The following TDG variants were observed in gnomAD, a reference collection of about 807,000 sequenced individuals.
TDG encodes the protein thymine DNA glycosylase, also known as G/T mismatch-specific thymine DNA glycosylase.
A neutral mutation model predicts 46.1 loss-of-function variants in TDG; 23 were observed. The ratio of observed to expected loss-of-function variants is 0.50; its 90% CI spans 0.36 to 0.71. The LOEUF (loss-of-function observed/expected upper bound fraction) is 0.71, where lower values mean the gene tolerates loss of function less well. Among genes scored for constraint, TDG ranks in the 30% least tolerant of loss-of-function variants. The pLI is 0.00. For synonymous variants in TDG, 115 were observed against 161.3 expected, an observed-to-expected ratio of 0.71 and a Z score of 2.18; for missense variants, 304 against 486.7, an observed-to-expected ratio of 0.62 and a Z score of 3.53.
chr12:103,971,716 G>A (rs1261365791), intron 1 of TDG, among the ~76,000 whole-genome samples: 3 of 152,200 alleles, frequency 2.0e-5, no homozygotes, highest in East Asian at 3.9e-4. Flanking sequence ...ATAAATGATG[G>A]GGGAAGAAAA....
chr12:103,979,751 G>GT, intron 2 of TDG, 80 bp from the exon 3 acceptor site: 1 of 1,504,570 alleles, frequency 6.6e-7, no homozygotes, highest in Non-Finnish European at 8.9e-7. Context: ...AAAGGTGCTA[G>GT]TTGGGTAACT....
Position 103,983,319 on chromosome 12 carries a change from A to T in TDG, c.722A>T (p.Glu241Val). The T allele has an allele frequency of 6.3e-7, 1 of 1,594,884 alleles. No homozygotes were observed. The highest frequency in any genetic ancestry group is 8.5e-7 in the Non-Finnish European group (1 of 1,173,922). ...GKCIYEIFSK[E>V]VFGVKVKNLE... The stretch of plus-strand genomic sequence containing the variant: ...GGTATTTATGAAATTTTTAGTAAAG[A>T]AGTTTTTGGAGTAAAGGTTAAGAAC... Residue 241 changes from glutamate to valine, a missense_variant, in exon 7 of 10, where the codon GAA becomes GTA. By Grantham distance (121) the Glu-to-Val change is moderately radical. Coordinates refer to ENST00000392872, the MANE Select transcript of TDG (RefSeq NM_003211.6).
chr12:103,974,293 T>A (rs944308555), intron 1 of TDG, among the ~76,000 whole-genome samples: 1 of 152,154 alleles, frequency 6.6e-6, no homozygotes, highest in Non-Finnish European at 1.5e-5. Context: ...GTTGTTGTTA[T>A]TGAGGCAGAG....
chr12:103,972,779 A>C (rs1374529035), intron 1 of TDG, among the ~76,000 whole-genome samples: 1 of 151,870 alleles, frequency 6.6e-6, no homozygotes, highest in Non-Finnish European at 1.5e-5. Flanking sequence ...TTTCCTCTTT[A>C]TTTTTCACTT....
chr12:103,978,105 A>G (rs1467819241), intron 2 of TDG, among the ~76,000 whole-genome samples: 1 of 152,128 alleles, frequency 6.6e-6, no homozygotes, highest in African/African-American at 2.4e-5. Context: ...CTTGGAGTCA[A>G]GGAGTGGATT....
In TDG at chr12:103,976,974, C is replaced by G; in HGVS notation, c.80C>G (p.Ala27Gly). ...ACGTTTCCATTTCAACAACTGATGG[C>G]TGAAGCTCCTAATATGGCAGTTGTG... ...FYTFPFQQLM[A>G]EAPNMAVVNE... Residue 27 changes from alanine (A) to glycine (G), a missense_variant, in exon 2 of 10, where the codon GCT becomes GGT. By Grantham distance (60) the Ala-to-Gly change is moderately conservative (BLOSUM62 0). Transcript: ENST00000392872. The G allele has an allele frequency of 6.2e-7, 1 of 1,614,028 alleles. No homozygotes were observed.
In TDG at chr12:103,988,485, T is replaced by A. The variant is rs1193862257; in HGVS notation, c.*1395T>A. The A allele has an allele frequency of 1.3e-5, 2 of 152,774 alleles. No homozygotes were observed. Among genetic ancestry groups the A allele is most frequent in the African/African-American group, 2.4e-5 (1 of 41,488 alleles). The allele number at this position is 152,774 out of a possible 1,614,324, so 9.5% of individuals were successfully genotyped here. On this transcript the variant is annotated 3_prime_UTR_variant, in exon 10 of 10. Transcript: ENST00000392872. The stretch of plus-strand genomic sequence containing the variant: ...TTATTTAAATGATGTACTGTACTGC[T>A]GTTTACATGGACGTTTTGTGCGGGT...
intron 4 of TDG, among the ~76,000 whole-genome samples, chr12:103,982,475 T>C (rs1000386461): frequency 2.6e-5 from 4 of 152,150 alleles, no homozygotes; most frequent in African/African-American, 9.7e-5. Flanking sequence ...AAGATAATTA[T>C]GATGATTAAA....
chr12:103,972,277 CCTGA>C (rs751083497), intron 1 of TDG, among the ~76,000 whole-genome samples: 5 of 152,248 alleles, frequency 3.3e-5, no homozygotes, highest in Non-Finnish European at 5.9e-5. Flanking sequence ...TGCCACGACG[CCTGA>C]CTAAGTTTTG....
chr12:103,976,836 T>G (rs1871567933), intron 1 of TDG, 82 bp from the exon 2 acceptor site: 1 of 1,541,482 alleles, frequency 6.5e-7, no homozygotes, highest in Non-Finnish European at 8.9e-7. Flanking sequence ...AATACTGTAC[T>G]GAAGATTTTT....
At chr12:103,968,777 G>T (rs1198381014) in intron 1 of TDG, among the ~76,000 whole-genome samples, 2 of 152,230 alleles carry the variant, frequency 1.3e-5, no homozygotes, top group African/African-American at 4.8e-5. Flanking sequence ...TCTGTCCTCT[G>T]TTGACATTGA....
At chr12:103,978,241 G>GT (rs1475317609) in intron 2 of TDG, among the ~76,000 whole-genome samples, 1 of 152,000 alleles carries the variant, frequency 6.6e-6, no homozygotes, top group African/African-American at 2.4e-5. Flanking sequence ...GGTTTCATGT[G>GT]TTTGGGGGGA....
At chr12:103,985,141 ATG>A (rs4135125) in intron 8 of TDG, among the ~76,000 whole-genome samples, 42,693 of 146,820 alleles carry the variant, frequency 0.29, 7,231 homozygotes, top group East Asian at 0.82. Context: ...GCGTATACAT[ATG>A]TGTGTGTCTA....
intron 2 of TDG, among the ~76,000 whole-genome samples, chr12:103,978,992 G>A (rs56283708): frequency 0.038 from 5,830 of 151,960 alleles, 393 homozygotes; most frequent in African/African-American, 0.13. Context: ...AATACTGCCA[G>A]CCCAGAGATG....
chr12:103,979,109 C>CTTCTTTT (rs1555274555), intron 2 of TDG, among the ~76,000 whole-genome samples: 1 of 123,604 alleles, frequency 8.1e-6, no homozygotes, highest in East Asian at 2.4e-4. Context: ...TTTTTTCTTT[C>CTTCTTTT]TTTTTTTTTT....
At chr12:103,985,786 GA>G in intron 9 of TDG, 58 bp downstream of exon 9, 1 of 1,421,150 alleles carries the variant, frequency 7.0e-7, no homozygotes, top group Non-Finnish European at 9.3e-7. Flanking sequence ...GGATTGGGGG[GA>G]AAATTTTAAT....
chr12:103,982,172 A>AT (rs1345728522), intron 4 of TDG, among the ~76,000 whole-genome samples: 2 of 152,232 alleles, frequency 1.3e-5, no homozygotes, highest in Non-Finnish European at 2.9e-5. Flanking sequence ...TAATAGTAAC[A>AT]TTCAAAACAT....
At chr12:103,980,856 T>C (rs1871786444) in intron 3 of TDG, 37 bp from the exon 4 acceptor site, 1 of 1,600,622 alleles carries the variant, frequency 6.2e-7, no homozygotes, top group South Asian at 1.1e-5. Context: ...TAGGTCCTGC[T>C]TTTTAAGATG....
intron 9 of TDG, 27 bp downstream of exon 9, chr12:103,985,755 C>A: frequency 1.4e-6 from 2 of 1,415,642 alleles, no homozygotes; most frequent in Middle Eastern, 1.9e-4. Flanking sequence ...ATGTGTATTC[C>A]TTTCAAAGAC....
Sources: gnomAD v4.1 joint callset for allele counts (sites outside exome capture counted in the v4.1 genomes callset) on GRCh38, gnomAD v4.1.1 for gene constraint, MANE v1.5 for transcripts, NCBI Gene and HGNC (gene_info 2026-07-23, HGNC 2026-07-21) for gene names.